The following CYRIB variants were observed in gnomAD, a reference collection of about 807,000 sequenced individuals.
The protein encoded by CYRIB is CYFIP-related Rac1 interactor B.
Under a neutral mutation model 44.2 loss-of-function variants are expected in CYRIB, and 8 were observed. The ratio of observed to expected loss-of-function variants is 0.18; its 90% CI spans 0.11 to 0.33. CYRIB has a LOEUF of 0.33. Among genes scored for constraint, CYRIB ranks in the 10% least tolerant of loss-of-function variants. CYRIB has a pLI of 1.00. For synonymous variants in CYRIB, 131 were observed against 127.2 expected (o/e 1.03, Z -0.20); for missense variants, 185 against 382.8 (o/e 0.48, Z 4.31).
intron 1 of CYRIB, among the ~76,000 whole-genome samples, chr8:129,911,170 A>G (rs1032244080): frequency 2.0e-5 from 3 of 152,180 alleles, no homozygotes; most frequent in African/African-American, 7.2e-5. Flanking sequence ...CCTTTTTCTA[A>G]GTACTTCCTA....
chr8:129,930,841 T>C (rs2090997322), intron 1 of CYRIB, among the ~76,000 whole-genome samples: 1 of 152,194 alleles, frequency 6.6e-6, no homozygotes, highest in Non-Finnish European at 1.5e-5. Flanking sequence ...AACTGAGAAC[T>C]AGCTCCACAG....
intron 2 of CYRIB, among the ~76,000 whole-genome samples, chr8:129,945,128 C>A (rs143259369): frequency 4.6e-5 from 7 of 152,324 alleles, no homozygotes; most frequent in Admixed American, 1.3e-4. Context: ...CCTGGGCAAC[C>A]GCATTGCTGT....
intron 1 of CYRIB, among the ~76,000 whole-genome samples, chr8:129,997,599 A>G (rs920230703): frequency 1.3e-5 from 2 of 152,226 alleles, no homozygotes; most frequent in Admixed American, 6.5e-5. Context: ...AATGTAAACC[A>G]TAACTTCCTG....
At chr8:129,869,824 T>G (rs1376687377) in intron 4 of CYRIB, among the ~76,000 whole-genome samples, 1 of 152,112 alleles carries the variant, frequency 6.6e-6, no homozygotes, top group Admixed American at 6.6e-5. Context: ...AAACCAGGTT[T>G]ACCTTCCTCA....
rs1240854847 is a variant in CYRIB at position 129,998,119 on chromosome 8, C to T, written c.-296+18251G>A. Among the ~76,000 whole-genome samples, 5 of 93,164 alleles carry T rather than the reference C, an allele frequency of 5.4e-5. 1 individual carries two copies. In the Admixed American group the frequency reaches 5.8e-4, roughly 11 times the overall value. The allele number at this position is 93,164 out of a possible 152,430, so 61.1% of individuals were successfully genotyped here. A position where few individuals can be genotyped will look rare whatever the true frequency, so the allele number is the denominator to read the frequency against. On this transcript the variant is annotated intron_variant, in intron 1 of 14. Coordinates refer to the CYRIB transcript ENST00000401979. Reference sequence around the variant, plus strand: ...CTGGTGACACAGCGAGACTCTGTCTCAAAAAAAAAAAAAAAAAAACAAAAA... The same window carrying T: ...CTGGTGACACAGCGAGACTCTGTCTTAAAAAAAAAAAAAAAAAAACAAAAA...
chr8:129,940,825 A>C (rs1005796490), upstream of CYRIB, among the ~76,000 whole-genome samples: 1 of 152,220 alleles, frequency 6.6e-6, no homozygotes, highest in Admixed American at 6.5e-5. Context: ...CTGTAACAGT[A>C]TGGACTTTTC....
intron 1 of CYRIB, among the ~76,000 whole-genome samples, chr8:129,921,514 G>T (rs541596338): frequency 6.6e-6 from 1 of 152,084 alleles, no homozygotes; most frequent in South Asian, 2.1e-4. Context: ...GGAGTGCAGC[G>T]GCACGATCAC....
intron 11 of CYRIB, chr8:129,843,750 GA>G (rs2130960713): frequency 6.6e-6 from 1 of 152,288 alleles, no homozygotes; most frequent in Admixed American, 6.5e-5. Flanking sequence ...CTGTGTTTAA[GA>G]AATTTAAACC....
Position 129,905,615 on chromosome 8 carries a change from C to CT in CYRIB, c.-49-2266dup, listed in dbSNP as rs200729396. Among the ~76,000 whole-genome samples, 1,400 of 152,208 alleles carry CT rather than the reference C, an allele frequency of 9.2e-3. 18 individuals are homozygous for CT. Among genetic ancestry groups the CT allele is most frequent in the African/African-American group, 0.032 (1,326 of 41,516 alleles). On this transcript the variant is annotated intron_variant, in intron 1 of 11. Coordinates refer to ENST00000519824, the Ensembl canonical transcript of CYRIB. ...TTACTAGAAGTGAAATGAATAAACA[C>CT]TTTTTTTGCTTTTTCTGCCGAAGAT...
Position 129,977,734 on chromosome 8 carries a change from G to A in CYRIB, c.-295-6739C>T, listed in dbSNP as rs559571394. Among the ~76,000 whole-genome samples the A allele has an allele frequency of 7.9e-4, 120 of 152,116 alleles. 1 individual carries two copies. Among genetic ancestry groups the A allele is most frequent in the Middle Eastern group, 6.8e-3 (2 of 294 alleles). ...TTTTTAGTAGAGATGGGGTTTCACC[G>A]TGTTAGCCAGGATGGTCTCGATCTC... On this transcript the variant is annotated intron_variant, in intron 1 of 14. Transcript: ENST00000401979.
intron 2 of CYRIB, among the ~76,000 whole-genome samples, chr8:129,882,936 GC>G (rs1309923540): frequency 2.0e-5 from 3 of 151,638 alleles, no homozygotes; most frequent in Non-Finnish European, 4.4e-5. Flanking sequence ...AGTGGCTCAC[GC>G]TTGTAATCCC....
intron 1 of CYRIB, among the ~76,000 whole-genome samples, chr8:129,980,224 T>A (rs2096156644): frequency 7.3e-5 from 5 of 68,916 alleles, no homozygotes; most frequent in South Asian, 1.0e-3. Flanking sequence ...CAAGACTCCA[T>A]CTCAAAAAAA....
At chr8:129,923,163 A>G (rs573352037) in intron 1 of CYRIB, among the ~76,000 whole-genome samples, 1 of 149,424 alleles carries the variant, frequency 6.7e-6, no homozygotes, top group African/African-American at 2.4e-5. Flanking sequence ...GAATCGCTTG[A>G]ACCTGGGAGG....
intron 1 of CYRIB, among the ~76,000 whole-genome samples, chr8:129,973,482 G>A (rs1362171442): frequency 2.6e-5 from 4 of 152,202 alleles, no homozygotes; most frequent in African/African-American, 9.6e-5. Flanking sequence ...CAGCCCTCAA[G>A]GCAGATTCTA....
intron 1 of CYRIB, among the ~76,000 whole-genome samples, chr8:129,977,315 G>A (rs1478877258): frequency 6.6e-6 from 1 of 152,116 alleles, no homozygotes; most frequent in Non-Finnish European, 1.5e-5. Context: ...ACCTCTGTAT[G>A]GCTCACACAT....
intron 2 of CYRIB, among the ~76,000 whole-genome samples, chr8:129,944,923 T>G (rs1050481509): frequency 6.6e-6 from 1 of 152,254 alleles, no homozygotes; most frequent in Non-Finnish European, 1.5e-5. Context: ...ACAGAGTATT[T>G]CATCATACTG....
At chr8:129,919,067 C>T (rs559063193) in intron 1 of CYRIB, among the ~76,000 whole-genome samples, 2 of 152,054 alleles carry the variant, frequency 1.3e-5, no homozygotes, top group East Asian at 3.9e-4. Context: ...GGGTTTTTGC[C>T]ACGTTGGCCA....
chr8:129,984,198 G>A (rs976086099), intron 1 of CYRIB, among the ~76,000 whole-genome samples: 1 of 152,220 alleles, frequency 6.6e-6, no homozygotes, highest in Non-Finnish European at 1.5e-5. Flanking sequence ...CCTCTCTCTG[G>A]CTGCAGGGAC....
chr8:129,921,758 A>G (rs1490825024), intron 1 of CYRIB, among the ~76,000 whole-genome samples: 1 of 152,198 alleles, frequency 6.6e-6, no homozygotes, highest in African/African-American at 2.4e-5. Context: ...GTATATATAA[A>G]CTGATTCTAT....
Sources: gnomAD v4.1 joint callset for allele counts (sites outside exome capture counted in the v4.1 genomes callset) on GRCh38, gnomAD v4.1.1 for gene constraint, MANE v1.5 for transcripts, NCBI Gene and HGNC (gene_info 2026-07-23, HGNC 2026-07-21) for gene names.